The following HEMK2 variants were observed in gnomAD, a reference collection of about 807,000 sequenced individuals.
HEMK2 encodes the protein HemK methyltransferase 2, ETF1 glutamine and histone H4 lysine, also known as methyltransferase HEMK2.
the HEMK2 span, among the ~76,000 whole-genome samples, chr21:28,750,973 G>A: frequency 3.9e-5 from 6 of 152,164 alleles, no homozygotes; most frequent in Non-Finnish European, 5.9e-5. Flanking sequence ...GCTCACGCCT[G>A]TAATCTCAGC....
At chr21:28,867,616 A>G in the HEMK2 span, among the ~76,000 whole-genome samples, 6 of 152,224 alleles carry the variant, frequency 3.9e-5, no homozygotes, top group Admixed American at 1.3e-4. Flanking sequence ...TTTATTACTC[A>G]TAGTATTCAT....
At chr21:28,783,833 C>T in the HEMK2 span, among the ~76,000 whole-genome samples, 7 of 152,186 alleles carry the variant, frequency 4.6e-5, no homozygotes, top group Non-Finnish European at 8.8e-5. Context: ...ATGGGCTTGG[C>T]GGGCCCTGCA....
the HEMK2 span, among the ~76,000 whole-genome samples, chr21:28,670,642 G>A: frequency 6.6e-5 from 10 of 152,244 alleles, no homozygotes; most frequent in South Asian, 2.1e-4. Flanking sequence ...GTATTAGTCC[G>A]TTTTCACACT....
the HEMK2 span, among the ~76,000 whole-genome samples, chr21:28,810,782 C>T: frequency 3.9e-5 from 6 of 152,150 alleles, no homozygotes; most frequent in Non-Finnish European, 7.4e-5. Flanking sequence ...GATTTCCCTT[C>T]AGAGGCGCAG....
chr21:28,674,468 A>T, the HEMK2 span, among the ~76,000 whole-genome samples: 1 of 152,144 alleles, frequency 6.6e-6, no homozygotes, highest in African/African-American at 2.4e-5. Flanking sequence ...CCCCAGTCAA[A>T]GACTCTCAAA....
chr21:28,728,835 C>T, the HEMK2 span, among the ~76,000 whole-genome samples: 2 of 152,066 alleles, frequency 1.3e-5, no homozygotes, highest in African/African-American at 4.8e-5. Context: ...GAAGACAGTA[C>T]ATTTTAATCT....
chr21:28,866,289 C>T, the HEMK2 span, among the ~76,000 whole-genome samples: 6 of 149,268 alleles, frequency 4.0e-5, no homozygotes, highest in African/African-American at 7.4e-5. Flanking sequence ...TGCAGACAGC[C>T]GAGATCACAA....
At chr21:28,765,475 G>A in the HEMK2 span, among the ~76,000 whole-genome samples, 19 of 152,054 alleles carry the variant, frequency 1.2e-4, no homozygotes, top group South Asian at 6.2e-4. Context: ...TAAATAATAC[G>A]CTAACTATAA....
chr21:28,794,267 T>C, the HEMK2 span, among the ~76,000 whole-genome samples: 1 of 152,192 alleles, frequency 6.6e-6, no homozygotes, highest in Non-Finnish European at 1.5e-5. Context: ...TAGCAAACTT[T>C]TCATTTCAGA....
the HEMK2 span, among the ~76,000 whole-genome samples, chr21:28,774,635 T>A: frequency 1.3e-5 from 2 of 152,240 alleles, no homozygotes; most frequent in Admixed American, 1.3e-4. Context: ...TATTCAGACT[T>A]CCCTTGAAAT....
the HEMK2 span, among the ~76,000 whole-genome samples, chr21:28,745,497 C>T: frequency 2.0e-5 from 3 of 152,202 alleles, no homozygotes; most frequent in African/African-American, 7.2e-5. Flanking sequence ...TTTGACCTCT[C>T]CTGCCTGTAC....
chr21:28,868,982 T>C, the HEMK2 span, among the ~76,000 whole-genome samples: 3 of 152,194 alleles, frequency 2.0e-5, no homozygotes, highest in African/African-American at 7.2e-5. Context: ...TTTCATTTTT[T>C]TTTTTCTTTA....
chr21:28,831,523 GAA>G, the HEMK2 span, among the ~76,000 whole-genome samples: 1 of 51,784 alleles, frequency 1.9e-5, no homozygotes, highest in African/African-American at 1.2e-4. Flanking sequence ...AAGAAAGAAA[GAA>G]GGAAAGAAGG....
chr21:28,788,613 A>T, the HEMK2 span, among the ~76,000 whole-genome samples: 1 of 151,998 alleles, frequency 6.6e-6, no homozygotes, highest in African/African-American at 2.4e-5. Context: ...AAATCTCACA[A>T]ATCATCACTA....
the HEMK2 span, among the ~76,000 whole-genome samples, chr21:28,618,356 T>A: frequency 6.6e-6 from 1 of 152,286 alleles, no homozygotes; most frequent in African/African-American, 2.4e-5. Context: ...ACAAAAGGAA[T>A]TTTCTGGCCT....
chr21:28,688,612 A>G, the HEMK2 span, among the ~76,000 whole-genome samples: 1 of 152,026 alleles, frequency 6.6e-6, no homozygotes, highest in Non-Finnish European at 1.5e-5. Context: ...GAATGAATAA[A>G]TGAATGAGTA....
the HEMK2 span, among the ~76,000 whole-genome samples, chr21:28,601,659 T>G: frequency 2.7e-5 from 4 of 150,818 alleles, no homozygotes; most frequent in Admixed American, 2.7e-4. Flanking sequence ...TGTAATTTAT[T>G]CATTTAGGAT....
At chr21:28,724,834 T>C in the HEMK2 span, among the ~76,000 whole-genome samples, 1 of 152,176 alleles carries the variant, frequency 6.6e-6, no homozygotes, top group East Asian at 1.9e-4. Flanking sequence ...CAGGCTGGAG[T>C]GCAAAGGCAT....
the HEMK2 span, among the ~76,000 whole-genome samples, chr21:28,604,021 A>T: frequency 8.5e-3 from 1,289 of 152,318 alleles, 18 homozygotes; most frequent in African/African-American, 0.029. Context: ...AGGTGAACAC[A>T]GTCCTTAGAA....
Sources: gnomAD v4.1 joint callset for allele counts (sites outside exome capture counted in the v4.1 genomes callset) on GRCh38, gnomAD v4.1.1 for gene constraint, MANE v1.5 for transcripts, NCBI Gene and HGNC (gene_info 2026-07-23, HGNC 2026-07-21) for gene names.